Variants in DEGS1 observed in about 807,000 individuals in gnomAD.
DEGS1 encodes sphingolipid delta(4)-desaturase DES1.
A neutral mutation model predicts 24.1 loss-of-function variants in DEGS1; 17 were observed. The ratio of observed to expected loss-of-function variants is 0.70; its 90% CI spans 0.48 to 1.06. DEGS1 has a LOEUF of 1.06. Among genes scored for constraint, DEGS1 ranks in the 50% least tolerant of loss-of-function variants. The pLI is 0.00. For synonymous variants in DEGS1, 134 were observed against 140.0 expected, an observed-to-expected ratio of 0.96 and a Z score of 0.30; for missense variants, 366 against 408.9, an observed-to-expected ratio of 0.90 and a Z score of 0.91.
chr1:224,191,224 C>T (rs1396224136), intron 2 of DEGS1: 1 of 151,832 alleles, frequency 6.6e-6, no homozygotes, highest in Non-Finnish European at 1.5e-5. Flanking sequence ...CCTGTCTCTA[C>T]TAAAAATACA....
At chr1:224,184,036 C>G (rs1362570034) in intron 1 of DEGS1, among the ~76,000 whole-genome samples, 1 of 152,252 alleles carries the variant, frequency 6.6e-6, no homozygotes, top group Non-Finnish European at 1.5e-5. Flanking sequence ...CTTGATGGGC[C>G]CTGGTCGGTT....
chr1:224,192,244 T>A, intron 2 of DEGS1, 88 bp from the exon 3 acceptor site: 1 of 1,145,624 alleles, frequency 8.7e-7, no homozygotes, highest in Non-Finnish European at 1.2e-6. Flanking sequence ...GTTTCCCTTC[T>A]CAGTGTTTGT....
intron 1 of DEGS1, among the ~76,000 whole-genome samples, chr1:224,183,983 A>AG (rs1223091499): frequency 6.6e-6 from 1 of 152,230 alleles, no homozygotes; most frequent in South Asian, 2.1e-4. Context: ...GGGCCCGTTA[A>AG]GGGGGCCGGC....
rs10916458 is a variant in DEGS1, at chr1:224,192,622, A to G, written c.*144A>G. On this transcript the variant is annotated 3_prime_UTR_variant, in exon 3 of 3. Coordinates refer to ENST00000323699, the MANE Select transcript of DEGS1 (RefSeq NM_003676.4). ...AGAGCTCGGTGATACCAAGAAGTGA[A>G]TCTGGCTTTTAAACAGTCAGCCTGA... 0.036 allele frequency: 26,665 copies of G among 737,252 alleles called. 589 individuals are homozygous for G. The highest frequency in any genetic ancestry group is 0.064 in the African/African-American group (3,572 of 55,682). 45.7% of individuals were successfully genotyped at this position (737,252 alleles called of 1,614,324 possible). A position where few individuals can be genotyped will look rare whatever the true frequency, so the allele number is the denominator to read the frequency against.
chr1:224,184,049 C>T (rs895465378), intron 1 of DEGS1, among the ~76,000 whole-genome samples: 2 of 152,248 alleles, frequency 1.3e-5, no homozygotes, highest in Non-Finnish European at 1.5e-5. Context: ...GGTCGGTTCA[C>T]GCCGCTTGTC....
At chr1:224,184,244 G>T (rs1195599282) in intron 1 of DEGS1, among the ~76,000 whole-genome samples, 1 of 152,168 alleles carries the variant, frequency 6.6e-6, no homozygotes, top group Non-Finnish European at 1.5e-5. Flanking sequence ...GAGGATTCGG[G>T]CCTTCTGTGT....
intron 1 of DEGS1, among the ~76,000 whole-genome samples, chr1:224,188,359 A>G (rs1658448065): frequency 6.6e-6 from 1 of 152,192 alleles, no homozygotes. Flanking sequence ...ATGTCAGTGT[A>G]TGATTCCTTT....
intron 1 of DEGS1, among the ~76,000 whole-genome samples, chr1:224,188,780 C>G (rs551252490): frequency 4.6e-5 from 7 of 152,220 alleles, no homozygotes; most frequent in African/African-American, 1.4e-4. Flanking sequence ...TGTGGATTGT[C>G]TTTTTACTTT....
intron 1 of DEGS1, among the ~76,000 whole-genome samples, chr1:224,187,680 A>G (rs1213303933): frequency 2.0e-5 from 3 of 152,120 alleles, no homozygotes; most frequent in South Asian, 2.1e-4. Flanking sequence ...TTATAATTCA[A>G]CTATCATGAT....
In DEGS1 at chr1:224,190,331, A is replaced by AT; in HGVS notation, c.825+15dup. ...AAAGTCTTCCACTGGTAAGTAAAGG[A>AT]TTTGATACATATTCTAATTTTGTTT... is the stretch of plus-strand genomic sequence containing the variant. On this transcript the variant is annotated intron_variant, in intron 2 of 2. Coordinates refer to ENST00000323699, the MANE Select transcript of DEGS1 (RefSeq NM_003676.4). The AT allele has an allele frequency of 6.8e-7, 1 of 1,462,876 alleles. No individual in the cohort carries two copies. Among genetic ancestry groups the AT allele is most frequent in the Non-Finnish European group, 9.0e-7 (1 of 1,108,352 alleles). 90.6% of individuals were successfully genotyped at this position (1,462,876 alleles called of 1,614,324 possible).
At position 224,192,912 on chromosome 1, in the gene DEGS1, G is replaced by A; in HGVS notation, c.*434G>A. The A allele has an allele frequency of 6.0e-6, 1 of 165,384 alleles. No homozygotes were observed. The highest frequency in any genetic ancestry group is 1.3e-5 in the Non-Finnish European group (1 of 77,430). The allele number at this position is 165,384 out of a possible 1,614,324, so 10.2% of individuals were successfully genotyped here. ...CTACTAAAAATGCAAAAATTAGCCG[G>A]GCGTGGCGGCACATGCCTGTAATCC... On this transcript the variant is annotated 3_prime_UTR_variant, in exon 3 of 3. Coordinates refer to ENST00000323699, the MANE Select transcript of DEGS1 (RefSeq NM_003676.4).
In DEGS1 at chr1:224,189,631, T is replaced by G; in HGVS notation, c.137T>G (p.Ile46Ser). The stretch of plus-strand genomic sequence containing the variant: ...AAACCTGATCCCAATTTGATATGGA[T>G]TATAATTATGATGGTTCTCACCCAG... ...LMKPDPNLIW[I>S]IIMMVLTQLG... The change falls in exon 2 of 3, where the codon ATT (isoleucine) becomes AGT (serine). Residue 46 changes from isoleucine (I) to serine (S), a missense_variant. Ile to Ser is a moderately radical substitution (Grantham distance 142). Coordinates refer to ENST00000323699, the MANE Select transcript of DEGS1 (RefSeq NM_003676.4). 1 of 1,613,442 alleles carries G rather than the reference T, an allele frequency of 6.2e-7. No individual in the cohort carries two copies. The highest frequency in any genetic ancestry group is 1.1e-5 in the South Asian group (1 of 90,982).
At chr1:224,190,445 C>T in intron 2 of DEGS1, 126 bp downstream of exon 2, 2 of 781,358 alleles carry the variant, frequency 2.6e-6, no homozygotes, top group Non-Finnish European at 1.9e-6. Flanking sequence ...GTAACCTCCA[C>T]CTCCCGGGTT....
chr1:224,188,404 C>G (rs1324486359), intron 1 of DEGS1, among the ~76,000 whole-genome samples: 1 of 152,012 alleles, frequency 6.6e-6, no homozygotes, highest in Non-Finnish European at 1.5e-5. Flanking sequence ...TATGGATATA[C>G]CAGGTGTTTA....
chr1:224,189,837 C>T lies in DEGS1; in HGVS notation c.343C>T (p.Pro115Ser). ...NRWFGMFANLPIGIPYSISFK... is the reference protein window; with the variant it reads ...NRWFGMFANLSIGIPYSISFK... ...CTGGTTTGGAATGTTTGCTAATCTT[C>T]CTATTGGGATTCCATATTCAATTTC... is the stretch of plus-strand genomic sequence containing the variant. Residue 115 changes from proline (P) to serine (S), a missense_variant, in exon 2 of 3, where the codon CCT becomes TCT. By Grantham distance (74) the Pro-to-Ser change is moderately conservative (BLOSUM62 -1). Transcript: ENST00000323699. 4 of 1,614,172 alleles carry T rather than the reference C, an allele frequency of 2.5e-6. No homozygotes were observed. Among genetic ancestry groups the T allele is most frequent in the Non-Finnish European group, 3.4e-6 (4 of 1,180,040 alleles).
chr1:224,183,466 G>A (rs900770647), intron 1 of DEGS1, 48 bp downstream of exon 1: 5 of 1,255,312 alleles, frequency 4.0e-6, no homozygotes, highest in Admixed American at 4.2e-5. Flanking sequence ...GCCTCCCGGC[G>A]CCGGGGCGCG....
rs1359172207 is a variant in DEGS1 at position 224,189,614 on chromosome 1, T to A, written c.120T>A (p.Asp40Glu). Residue 40 changes from aspartate (D) to glutamate (E), a missense_variant, in exon 2 of 3, where the codon GAT becomes GAA. By Grantham distance (45) the Asp-to-Glu change is conservative. Transcript: ENST00000323699. ...AGATAAAGTCCTTGATGAAACCTGA[T>A]CCCAATTTGATATGGATTATAATTA... ...YPEIKSLMKP[D>E]PNLIWIIIMM... The A allele has an allele frequency of 1.6e-5, 25 of 1,610,564 alleles. No homozygotes were observed. Among genetic ancestry groups the A allele is most frequent in the Non-Finnish European group, 2.0e-5 (23 of 1,178,880 alleles).
At chr1:224,186,775 GT>G (rs975607099) in intron 1 of DEGS1, among the ~76,000 whole-genome samples, 11 of 149,872 alleles carry the variant, frequency 7.3e-5, no homozygotes, top group African/African-American at 2.7e-4. Context: ...AGTGTACAAT[GT>G]TTTCCATGCA....
intron 1 of DEGS1, among the ~76,000 whole-genome samples, chr1:224,185,826 C>T (rs1470790051): frequency 6.6e-6 from 1 of 152,148 alleles, no homozygotes; most frequent in African/African-American, 2.4e-5. Flanking sequence ...GCCTTATCTA[C>T]ATGTTACATA....
Sources: allele counts gnomAD v4.1 joint callset (sites outside exome capture counted in the v4.1 genomes callset), GRCh38; gene constraint gnomAD v4.1.1; transcripts MANE v1.5; gene names NCBI Gene and HGNC (gene_info 2026-07-23, HGNC 2026-07-21).